FRMD4A: variants seen among roughly 807,000 people sequenced by gnomAD.
FRMD4A encodes the protein FERM domain-containing protein 4A.
In FRMD4A, 29 loss-of-function variants were observed where a neutral mutation model predicts 129.1. The ratio of observed to expected loss-of-function variants is 0.22; its 90% CI spans 0.17 to 0.31. The LOEUF (loss-of-function observed/expected upper bound fraction) is 0.31. Among genes scored for constraint, FRMD4A ranks in the 10% least tolerant of loss-of-function variants. The probability of loss-of-function intolerance (pLI) is 1.00; values close to 1 mark genes in which losing one functional copy is unlikely to be tolerated. For missense variants in FRMD4A, 1,272 were observed against 1,375.8 expected, an observed-to-expected ratio of 0.92 and a Z score of 1.19; for synonymous variants, 634 against 571.6, an observed-to-expected ratio of 1.11 and a Z score of -1.56.
intron 2 of FRMD4A, among the ~76,000 whole-genome samples, chr10:14,065,904 G>GGTCCTA (rs931083069): frequency 3.3e-5 from 5 of 152,112 alleles, no homozygotes; most frequent in Admixed American, 1.3e-4. Context: ...AGATACCCGG[G>GGTCCTA]GTCCTAGCCC....
chr10:13,867,576 GTAATATATATAAAA>G (rs950594946), intron 2 of FRMD4A, among the ~76,000 whole-genome samples: 3 of 135,818 alleles, frequency 2.2e-5, no homozygotes, highest in Non-Finnish European at 4.6e-5. Context: ...AGATATATAT[GTAATATATATAAAA>G]TAATATATAT....
chr10:13,774,972 C>T (rs1184833008), intron 6 of FRMD4A, among the ~76,000 whole-genome samples: 1 of 143,940 alleles, frequency 6.9e-6, no homozygotes, highest in African/African-American at 2.6e-5. Context: ...CAACAAAAAA[C>T]AAAACCATAA....
Position 13,854,559 on chromosome 10 carries a change from T to C in FRMD4A, c.111+4288A>G, listed in dbSNP as rs77106013. On this transcript the variant is annotated intron_variant, in intron 3 of 24. Coordinates refer to ENST00000357447, the MANE Select transcript of FRMD4A (RefSeq NM_018027.5). Reference sequence around the variant, plus strand: ...TCTCATCTTCCCAAGTAGCTGGGATTACAGGCGTGCACAACCACACCGAGC... The same window carrying C: ...TCTCATCTTCCCAAGTAGCTGGGATCACAGGCGTGCACAACCACACCGAGC... Among the ~76,000 whole-genome samples the C allele has an allele frequency of 8.0e-3, 1,222 of 151,918 alleles. 16 individuals carry two copies. Among genetic ancestry groups the C allele is most frequent in the African/African-American group, 0.028 (1,158 of 41,434 alleles).
chr10:14,022,275 T>A (rs1832794002), intron 2 of FRMD4A, among the ~76,000 whole-genome samples: 1 of 152,150 alleles, frequency 6.6e-6, no homozygotes, highest in African/African-American at 2.4e-5. Flanking sequence ...GAAGGATGTA[T>A]GAACTTCAGA....
intron 2 of FRMD4A, among the ~76,000 whole-genome samples, chr10:14,255,068 G>C (rs796668505): frequency 2.0e-5 from 3 of 152,160 alleles, no homozygotes; most frequent in African/African-American, 7.2e-5. Context: ...TAGGAGAAAA[G>C]GTTAAGAATG....
chr10:14,316,360 C>G (rs895468015), intron 2 of FRMD4A, among the ~76,000 whole-genome samples: 4 of 152,036 alleles, frequency 2.6e-5, no homozygotes, highest in African/African-American at 9.7e-5. Context: ...TTTCTTGCCC[C>G]TCTGCCTTTG....
At chr10:13,703,878 G>T (rs111356944) in intron 13 of FRMD4A, among the ~76,000 whole-genome samples, 1 of 152,132 alleles carries the variant, frequency 6.6e-6, no homozygotes. Context: ...AGTGGCGCAC[G>T]CCTGTAGTCC....
chr10:14,266,164 G>A (rs1490990930), intron 2 of FRMD4A, among the ~76,000 whole-genome samples: 1 of 151,716 alleles, frequency 6.6e-6, no homozygotes, highest in Non-Finnish European at 1.5e-5. Context: ...TCCTGGGGGT[G>A]GGAGGGGGTG....
intron 3 of FRMD4A, among the ~76,000 whole-genome samples, chr10:13,833,021 A>G (rs1245942075): frequency 6.6e-6 from 1 of 152,212 alleles, no homozygotes; most frequent in East Asian, 1.9e-4. Flanking sequence ...TTCCGTGTAC[A>G]GTCTGCCTTC....
At chr10:14,299,106 T>C (rs1846102472) in intron 2 of FRMD4A, among the ~76,000 whole-genome samples, 1 of 152,150 alleles carries the variant, frequency 6.6e-6, no homozygotes, top group Non-Finnish European at 1.5e-5. Flanking sequence ...GCCAGCCTTG[T>C]AGAGACAAGA....
At chr10:14,289,303 T>G (rs1845779215) in intron 2 of FRMD4A, among the ~76,000 whole-genome samples, 1 of 152,206 alleles carries the variant, frequency 6.6e-6, no homozygotes, top group African/African-American at 2.4e-5. Flanking sequence ...TTTTTTTAAA[T>G]AAAATAACAG....
chr10:13,941,525 A>G (rs747639612), intron 2 of FRMD4A, among the ~76,000 whole-genome samples: 9 of 152,254 alleles, frequency 5.9e-5, no homozygotes, highest in Non-Finnish European at 1.2e-4. Context: ...TGAAGGCTCA[A>G]AAAGCAAAGC....
chr10:13,849,482 ATT>A (rs143466300), intron 3 of FRMD4A, among the ~76,000 whole-genome samples: 67,998 of 141,518 alleles, frequency 0.48, 15,861 homozygotes, highest in East Asian at 0.6. Context: ...AATCTCCTGC[ATT>A]TTTTTTTTTT....
intron 2 of FRMD4A, among the ~76,000 whole-genome samples, chr10:13,953,591 G>A (rs1019757960): frequency 1.8e-4 from 27 of 152,242 alleles, no homozygotes; most frequent in Admixed American, 6.5e-4. Flanking sequence ...TAGTCACCTA[G>A]TAGCCATCTT....
At chr10:14,002,255 C>A (rs1320028381) in intron 2 of FRMD4A, among the ~76,000 whole-genome samples, 2 of 152,196 alleles carry the variant, frequency 1.3e-5, no homozygotes, top group Non-Finnish European at 2.9e-5. Context: ...CCAATAAAAT[C>A]ATCAGATTTG....
intron 2 of FRMD4A, among the ~76,000 whole-genome samples, chr10:13,936,742 T>C (rs1346096963): frequency 6.6e-6 from 1 of 152,192 alleles, no homozygotes; most frequent in Non-Finnish European, 1.5e-5. Flanking sequence ...TATACAAGCC[T>C]GAATAGATGA....
intron 2 of FRMD4A, among the ~76,000 whole-genome samples, chr10:13,877,256 C>T (rs1429877520): frequency 6.6e-6 from 1 of 152,144 alleles, no homozygotes; most frequent in Non-Finnish European, 1.5e-5. Context: ...GTATGTCCTG[C>T]CAGGCCACCT....
At chr10:13,836,959 G>A (rs972410680) in intron 3 of FRMD4A, among the ~76,000 whole-genome samples, 9 of 151,908 alleles carry the variant, frequency 5.9e-5, no homozygotes, top group South Asian at 2.1e-4. Context: ...GGGTTTCACC[G>A]TGTTAGCCAG....
At chr10:13,698,420 A>G (rs1485209807) in intron 14 of FRMD4A, among the ~76,000 whole-genome samples, 1 of 152,194 alleles carries the variant, frequency 6.6e-6, no homozygotes, top group Non-Finnish European at 1.5e-5. Flanking sequence ...CCTGTCGGCC[A>G]TCACTCACCC....
Sources: gnomAD v4.1 joint callset for allele counts (sites outside exome capture counted in the v4.1 genomes callset) on GRCh38, gnomAD v4.1.1 for gene constraint, MANE v1.5 for transcripts, NCBI Gene and HGNC (gene_info 2026-07-23, HGNC 2026-07-21) for gene names.